Variants in ING3 observed in about 807,000 individuals in gnomAD.
The protein encoded by ING3 is inhibitor of growth protein 3.
A neutral mutation model predicts 64.8 loss-of-function variants in ING3; 6 were observed. That is an observed-to-expected ratio of 0.09 (90% confidence interval 0.05 to 0.18). ING3 has a LOEUF of 0.18. Ranked by LOEUF, ING3 falls within the 10% of genes least tolerant of loss-of-function variation. ING3 has a pLI of 1.00. For missense variants in ING3, 310 were observed against 489.7 expected, an observed-to-expected ratio of 0.63 and a Z score of 3.46; for synonymous variants, 170 against 173.7, an observed-to-expected ratio of 0.98 and a Z score of 0.17.
intron 4 of ING3, among the ~76,000 whole-genome samples, chr7:120,958,619 T>C (rs2116662779): frequency 6.6e-6 from 1 of 152,370 alleles, no homozygotes; most frequent in East Asian, 1.9e-4. Context: ...ACCACTTTTC[T>C]TACAGGTACC....
Position 120,975,124 on chromosome 7 carries a change from C to G in ING3, c.*280C>G. ...TATGCAGACATTTGTACTCCTCAAC[C>G]ATTTTCTCAAAGTAATGGGCATTCT... On this transcript the variant is annotated 3_prime_UTR_variant, in exon 12 of 12. Coordinates refer to ENST00000315870, the MANE Select transcript of ING3 (RefSeq NM_019071.3). 1 of 200,030 alleles carries G rather than the reference C, an allele frequency of 5.0e-6. No homozygotes were observed. The highest frequency in any genetic ancestry group is 1.2e-4 in the East Asian group (1 of 8,068). 12.4% of individuals were successfully genotyped at this position (200,030 alleles called of 1,614,324 possible).
intron 3 of ING3, among the ~76,000 whole-genome samples, chr7:120,954,725 G>A (rs148621707): frequency 1.8e-3 from 280 of 152,122 alleles, no homozygotes; most frequent in African/African-American, 6.2e-3. Context: ...GAAATTCATA[G>A]TATCATCTTC....
rs1167445577 is a variant in ING3 at position 120,950,824 on chromosome 7, C to T, written c.-73C>T. On this transcript the variant is annotated 5_prime_UTR_variant, in exon 1 of 12. Transcript: ENST00000315870. ...AGCGGAGGCGCCATATTGGAGGGGA[C>T]AAAACTCCGGCGACAGCGAGTGACA... is the stretch of plus-strand genomic sequence containing the variant. 1.3e-6 allele frequency: 2 copies of T among 1,490,684 alleles called. No homozygotes were observed. Among genetic ancestry groups the T allele is most frequent in the Non-Finnish European group, 1.8e-6 (2 of 1,092,854 alleles). The allele number at this position is 1,490,684 out of a possible 1,614,324, so 92.3% of individuals were successfully genotyped here.
chr7:120,969,247 C>T (rs765465420), intron 9 of ING3, 43 bp downstream of exon 9: 1 of 1,471,298 alleles, frequency 6.8e-7, no homozygotes, highest in South Asian at 1.2e-5. Context: ...TTACTGAACA[C>T]TTGGTCTACT....
chr7:120,952,215 T>A (rs1025468711), intron 2 of ING3, among the ~76,000 whole-genome samples: 1 of 152,246 alleles, frequency 6.6e-6, no homozygotes, highest in Non-Finnish European at 1.5e-5. Flanking sequence ...GCTGAAGTAG[T>A]GTTCTCTGCA....
intron 6 of ING3, 45 bp downstream of exon 6, chr7:120,966,742 C>G (rs750012291): frequency 7.9e-7 from 1 of 1,264,236 alleles, no homozygotes; most frequent in East Asian, 2.3e-5. Context: ...CAATGAAAAC[C>G]TTATTATATC....
chr7:120,954,443 A>AG (rs1313247935), intron 3 of ING3, among the ~76,000 whole-genome samples: 1 of 152,164 alleles, frequency 6.6e-6, no homozygotes, highest in Admixed American at 6.5e-5. Flanking sequence ...CAAAAAAAAA[A>AG]AAGGGTCCAC....
chr7:120,967,546 A>T lies in ING3; in HGVS notation c.454A>T (p.Thr152Ser). 1 of 1,556,974 alleles carries T rather than the reference A, an allele frequency of 6.4e-7. No homozygotes were observed. Among genetic ancestry groups the T allele is most frequent in the Non-Finnish European group, 8.8e-7 (1 of 1,142,254 alleles). The change falls in exon 7 of 12, where the codon ACT becomes TCT. Residue 152 changes from threonine (T) to serine (S), a missense_variant. Around this residue, in one of 3 missense-constraint regions of ING3, gnomAD observed 233 missense variants for 289.4 expected, o/e 0.81. Coordinates refer to ENST00000315870, the MANE Select transcript of ING3 (RefSeq NM_019071.3). ...ATATTTAGAAAGGAAATATAATCCA[A>T]CTTCTCACCATACGACAACAGATCA... ...TPVEKRKYNP[T>S]SHHTTTDHIP...
chr7:120,964,918 T>C (rs978007946), intron 5 of ING3, 80 bp downstream of exon 5: 7 of 1,148,660 alleles, frequency 6.1e-6, no homozygotes, highest in Non-Finnish European at 7.7e-6. Flanking sequence ...CCACAGAGGC[T>C]TTTGAAATCC....
chr7:120,970,454 G>C (rs1282544488), intron 9 of ING3, among the ~76,000 whole-genome samples: 1 of 145,970 alleles, frequency 6.9e-6, no homozygotes, highest in Non-Finnish European at 1.5e-5. Flanking sequence ...AACAGAGCGA[G>C]ACTCCATCTC....
At position 120,977,078 on chromosome 7, in the gene ING3, A is replaced by G. The variant is rs1017134322; in HGVS notation, c.*2234A>G. On this transcript the variant is annotated 3_prime_UTR_variant, in exon 12 of 12. Coordinates refer to ENST00000315870, the MANE Select transcript of ING3 (RefSeq NM_019071.3). ...AATCTCTGTTGTACAAAACTCATGT[A>G]ACAGTTGGGACAAAATATCCAAATG... The G allele has an allele frequency of 3.3e-5, 5 of 152,222 alleles. No individual in the cohort carries two copies. The highest frequency in any genetic ancestry group is 9.6e-5 in the African/African-American group (4 of 41,458). The allele number at this position is 152,222 out of a possible 1,614,324, so 9.4% of individuals were successfully genotyped here.
At chr7:120,972,377 C>T (rs907492876) in intron 10 of ING3, among the ~76,000 whole-genome samples, 9 of 152,096 alleles carry the variant, frequency 5.9e-5, no homozygotes, top group Non-Finnish European at 1.2e-4. Context: ...AAAATTTTAA[C>T]AATTTGTTAG....
intron 5 of ING3, among the ~76,000 whole-genome samples, chr7:120,965,629 A>G (rs1795987831): frequency 6.6e-6 from 1 of 152,168 alleles, no homozygotes; most frequent in Admixed American, 6.5e-5. Context: ...TTTCAACAGT[A>G]AGAATATGTA....
chr7:120,973,320 G>A (rs1584996171), intron 11 of ING3, 77 bp downstream of exon 11: 2 of 966,478 alleles, frequency 2.1e-6, no homozygotes, highest in Non-Finnish European at 3.3e-6. Context: ...CTTATTTGCT[G>A]TATGGTTTGG....
chr7:120,976,359 GTAGA>G lies in ING3; in HGVS notation c.*1519_*1522del, dbSNP rs1796133647. ...TGCAGTGCTACCCAAAGGGTGTGAGGTAGATAGGGGATTTCAAAGATCTCTTCCA... is the reference window on the plus strand; with the variant it reads ...TGCAGTGCTACCCAAAGGGTGTGAGGTAGGGGATTTCAAAGATCTCTTCCA... On this transcript the variant is annotated 3_prime_UTR_variant, in exon 12 of 12. Coordinates refer to ENST00000315870, the MANE Select transcript of ING3 (RefSeq NM_019071.3). 1 of 152,048 alleles carries G rather than the reference GTAGA, an allele frequency of 6.6e-6. No homozygotes were observed. The highest frequency in any genetic ancestry group is 2.1e-4 in the South Asian group (1 of 4,822). The allele number at this position is 152,048 out of a possible 1,614,324, so 9.4% of individuals were successfully genotyped here. A position where few individuals can be genotyped will look rare whatever the true frequency, so the allele number is the denominator to read the frequency against.
At chr7:120,966,871 CG>C (rs750576041) in intron 6 of ING3, among the ~76,000 whole-genome samples, 174 bp downstream of exon 6, 4 of 151,754 alleles carry the variant, frequency 2.6e-5, no homozygotes, top group Non-Finnish European at 5.9e-5. Flanking sequence ...ATATGTGATT[CG>C]GAAATGAGTA....
At chr7:120,955,470 A>G in intron 3 of ING3, 89 bp from the exon 4 acceptor site, 1 of 859,844 alleles carries the variant, frequency 1.2e-6, no homozygotes. Context: ...TGATAACAAG[A>G]TATGATAATG....
intron 7 of ING3, 135 bp downstream of exon 7, chr7:120,967,783 G>T: frequency 7.9e-7 from 1 of 1,272,186 alleles, no homozygotes. Context: ...GAAGAAAAAG[G>T]AAAACCAAAT....
At chr7:120,956,239 T>C (rs1795845368) in intron 4 of ING3, 10 of 1,572,120 alleles carry the variant, frequency 6.4e-6, no homozygotes, top group Admixed American at 1.9e-5. Context: ...ATTGTGGTGC[T>C]CTTTTTCATT....
Sources: gnomAD v4.1 joint callset for allele counts (sites outside exome capture counted in the v4.1 genomes callset) on GRCh38, gnomAD v4.1.1 for gene constraint, gnomAD v4.1.1 regional missense constraint, MANE v1.5 for transcripts, NCBI Gene and HGNC (gene_info 2026-07-23, HGNC 2026-07-21) for gene names.